Variants in APPL1 observed in about 807,000 individuals in gnomAD.
APPL1 encodes adaptor protein, phosphotyrosine interacting with PH domain and leucine zipper 1, also known as DCC-interacting protein 13-alpha.
Under a neutral mutation model 106.8 loss-of-function variants are expected in APPL1, and 42 were observed. That is an observed-to-expected ratio of 0.39 (90% CI 0.31 to 0.51). The LOEUF (loss-of-function observed/expected upper bound fraction) is 0.51, where lower values mean the gene tolerates loss of function less well. APPL1 is among the 20% of genes least tolerant of loss of function. APPL1 has a pLI of 0.75. For missense variants in APPL1, 769 were observed against 858.2 expected, an observed-to-expected ratio of 0.90 and a Z score of 1.30; for synonymous variants, 263 against 281.8, an observed-to-expected ratio of 0.93 and a Z score of 0.67.
intron 11 of APPL1, among the ~76,000 whole-genome samples, chr3:57,251,399 C>T (rs2060803797): frequency 6.6e-6 from 1 of 151,424 alleles, no homozygotes; most frequent in South Asian, 2.1e-4. Flanking sequence ...TGGTGGGTGC[C>T]TGTAATCCTA....
chr3:57,230,970 T>A (rs1400014973), intron 1 of APPL1, among the ~76,000 whole-genome samples: 1 of 151,880 alleles, frequency 6.6e-6, no homozygotes, highest in Non-Finnish European at 1.5e-5. Flanking sequence ...TGATCTTGGC[T>A]CACTGCAACC....
At chr3:57,244,220 G>A (rs905562485) in intron 7 of APPL1, among the ~76,000 whole-genome samples, 10 of 150,754 alleles carry the variant, frequency 6.6e-5, no homozygotes, top group Non-Finnish European at 1.3e-4. Flanking sequence ...CAGTGGCTCC[G>A]TCTCGGCTCA....
chr3:57,269,452 A>T, intron 21 of APPL1, 89 bp from the exon 22 acceptor site: 2 of 1,384,290 alleles, frequency 1.4e-6, no homozygotes, highest in East Asian at 4.6e-5. Context: ...ATGACAGAAG[A>T]AGTGGCTCTC....
intron 19 of APPL1, among the ~76,000 whole-genome samples, chr3:57,262,852 A>AT (rs5849200): frequency 7.9e-6 from 1 of 127,368 alleles, no homozygotes; most frequent in Admixed American, 7.9e-5. Flanking sequence ...GTGTGTATGC[A>AT]TTTTTTTTTT....
intron 4 of APPL1, 70 bp from the exon 5 acceptor site, chr3:57,240,395 T>G: frequency 8.2e-7 from 1 of 1,222,470 alleles, no homozygotes; most frequent in Non-Finnish European, 1.2e-6. Context: ...CTAGATTATG[T>G]TTAATTTACA....
chr3:57,254,599 G>A (rs957460254), intron 13 of APPL1, among the ~76,000 whole-genome samples: 1 of 152,176 alleles, frequency 6.6e-6, no homozygotes, highest in African/African-American at 2.4e-5. Context: ...TGCAGAAATG[G>A]CAGGTTTATG....
chr3:57,235,717 C>T (rs1484204561), intron 2 of APPL1, 53 bp downstream of exon 2: 1 of 1,307,388 alleles, frequency 7.6e-7, no homozygotes, highest in Non-Finnish European at 1.1e-6. Context: ...CTTTAAGCCT[C>T]ATGAGGACAG....
At chr3:57,262,936 C>T (rs1380636541) in intron 19 of APPL1, among the ~76,000 whole-genome samples, 17 of 151,170 alleles carry the variant, frequency 1.1e-4, no homozygotes, top group African/African-American at 4.1e-4. Context: ...TTGCAACCTC[C>T]GCCCCCTCGG....
intron 15 of APPL1, among the ~76,000 whole-genome samples, chr3:57,258,200 C>T (rs1490022567): frequency 6.6e-6 from 1 of 152,156 alleles, no homozygotes; most frequent in Non-Finnish European, 1.5e-5. Context: ...CTCTGTTGCC[C>T]AGGCTGGAGT....
intron 13 of APPL1, among the ~76,000 whole-genome samples, chr3:57,254,866 C>T (rs1481891859): frequency 6.6e-6 from 1 of 152,180 alleles, no homozygotes; most frequent in Non-Finnish European, 1.5e-5. Flanking sequence ...TTCAGGTGAT[C>T]CACCTGCCTC....
intron 2 of APPL1, 131 bp downstream of exon 2, chr3:57,235,795 A>G: frequency 1.7e-6 from 1 of 573,152 alleles, no homozygotes; most frequent in Non-Finnish European, 3.1e-6. Context: ...TATTTGTTGA[A>G]TGGATTAATG....
chr3:57,252,391 T>A (rs2060809477), intron 12 of APPL1, 80 bp downstream of exon 12: 1 of 1,060,770 alleles, frequency 9.4e-7, no homozygotes, highest in Admixed American at 2.7e-5. Context: ...AATGTGTTCA[T>A]TGTAGAAATT....
In APPL1 at chr3:57,271,459, T is replaced by C. The variant is rs2060939383; in HGVS notation, c.*1772T>C. The C allele has an allele frequency of 6.6e-6, 1 of 152,502 alleles. No homozygotes were observed. Among genetic ancestry groups the C allele is most frequent in the Non-Finnish European group, 1.5e-5 (1 of 68,024 alleles). 9.4% of individuals were successfully genotyped at this position (152,502 alleles called of 1,614,324 possible). A position where few individuals can be genotyped will look rare whatever the true frequency, so the allele number is the denominator to read the frequency against. On this transcript the variant is annotated 3_prime_UTR_variant, in exon 22 of 22. Coordinates refer to ENST00000288266, the MANE Select transcript of APPL1 (RefSeq NM_012096.3). ...TATCAGTTCTTTTGTTTTGTTAAAG[T>C]TGGAATTTATTCTGTTGCCAGCATT...
rs753258836 is a variant in APPL1 at position 57,229,699 on chromosome 3, C to CT, written c.54+1790dup. On this transcript the variant is annotated intron_variant, in intron 1 of 21. Coordinates refer to ENST00000288266, the MANE Select transcript of APPL1 (RefSeq NM_012096.3). ...ATACAGGCGTGTGCCACTGTGCCAG[C>CT]TTTTTTTTTTTTTTTTTTTTTTTTT... Among the ~76,000 whole-genome samples, 508 of 93,096 alleles carry CT rather than the reference C, an allele frequency of 5.5e-3. 36 individuals carry two copies. Among genetic ancestry groups the CT allele is most frequent in the East Asian group, 0.013 (40 of 3,042 alleles). 61.1% of individuals were successfully genotyped at this position (93,096 alleles called of 152,430 possible).
In APPL1 at chr3:57,270,717, C is replaced by G. The variant is rs2060931713; in HGVS notation, c.*1030C>G. On this transcript the variant is annotated 3_prime_UTR_variant, in exon 22 of 22. Coordinates refer to ENST00000288266, the MANE Select transcript of APPL1 (RefSeq NM_012096.3). ...GCCATGTTTTGATAAAGTACTGAAT[C>G]ACCACTTTATATCCACAAAGGCAAA... 6.6e-6 allele frequency: 1 copy of G among 152,522 alleles called. No homozygotes were observed. The highest frequency in any genetic ancestry group is 2.4e-5 in the African/African-American group (1 of 41,440). The allele number at this position is 152,522 out of a possible 1,614,324, so 9.4% of individuals were successfully genotyped here. A position where few individuals can be genotyped will look rare whatever the true frequency, so the allele number is the denominator to read the frequency against.
rs1007369551 is a variant in APPL1, at chr3:57,227,790, A to G, written c.-94A>G. On this transcript the variant is annotated 5_prime_UTR_variant, in exon 1 of 22. Coordinates refer to ENST00000288266, the MANE Select transcript of APPL1 (RefSeq NM_012096.3). ...CGGGGACGGCTGCAGCCCTTGCCGG[A>G]GAGGGCGGGCCGGGGTCAGCTGCGG... 4.4e-6 allele frequency: 5 copies of G among 1,129,838 alleles called. No individual in the cohort carries two copies. The highest frequency in any genetic ancestry group is 6.3e-4 in the Middle Eastern group (2 of 3,170). 70.0% of individuals were successfully genotyped at this position (1,129,838 alleles called of 1,614,324 possible).
At chr3:57,248,420 T>C in intron 10 of APPL1, 69 bp downstream of exon 10, 2 of 1,485,042 alleles carry the variant, frequency 1.3e-6, no homozygotes, top group Non-Finnish European at 1.8e-6. Context: ...ATATAGTAAA[T>C]AATTGATGTC....
At chr3:57,239,870 A>AT (rs1245465540) in intron 4 of APPL1, among the ~76,000 whole-genome samples, 1 of 152,086 alleles carries the variant, frequency 6.6e-6, no homozygotes, top group Non-Finnish European at 1.5e-5. Context: ...TGTATTTAAA[A>AT]TTTTTTTAAA....
At chr3:57,253,610 AT>A in intron 12 of APPL1, 71 bp from the exon 13 acceptor site, 1 of 1,189,598 alleles carries the variant, frequency 8.4e-7, no homozygotes, top group Middle Eastern at 2.2e-4. Context: ...GCAGTTGAGT[AT>A]TGAACATTTG....
Sources: gnomAD v4.1 joint callset for allele counts (sites outside exome capture counted in the v4.1 genomes callset) on GRCh38, gnomAD v4.1.1 for gene constraint, MANE v1.5 for transcripts, NCBI Gene and HGNC (gene_info 2026-07-23, HGNC 2026-07-21) for gene names.